The following TTC7B variants were observed in gnomAD, a reference collection of about 807,000 sequenced individuals.
TTC7B encodes the protein tetratricopeptide repeat domain 7B, also known as tetratricopeptide repeat protein 7B.
In TTC7B, 28 loss-of-function variants were observed where a neutral mutation model predicts 106.8. The observed-to-expected ratio is 0.26, with a 90% CI of 0.19 to 0.36. The LOEUF is 0.36. Ranked by LOEUF, TTC7B falls within the 10% of genes least tolerant of loss-of-function variation. The pLI, the probability that TTC7B is intolerant of heterozygous loss-of-function variation, is 1.00. For synonymous variants in TTC7B, 405 were observed against 430.6 expected (o/e 0.94, Z 0.74); for missense variants, 862 against 1,076.4 (o/e 0.80, Z 2.79).
rs894779092 is a variant in TTC7B, at chr14:90,816,395, G to A, written c.-100C>T. On this transcript the variant is annotated 5_prime_UTR_variant, in exon 1 of 20. Coordinates refer to ENST00000328459, the MANE Select transcript of TTC7B (RefSeq NM_001010854.2). The stretch of plus-strand genomic sequence containing the variant: ...CGCCGCCGCCGCGGGCTCGGGCTCC[G>A]GCTCCCGGCTCCGCGGCGTAACGGG... The A allele has an allele frequency of 4.9e-6, 3 of 616,824 alleles. No individual in the cohort carries two copies. The highest frequency in any genetic ancestry group is 4.0e-6 in the Non-Finnish European group (2 of 497,308). 38.2% of individuals were successfully genotyped at this position (616,824 alleles called of 1,614,324 possible).
chr14:90,646,824 G>T, intron 14 of TTC7B, 127 bp downstream of exon 14: 1 of 872,240 alleles, frequency 1.1e-6, no homozygotes, highest in Non-Finnish European at 1.9e-6. Flanking sequence ...CTCTGAGAAG[G>T]GTTCCTGGCT....
chr14:90,680,054 T>A (rs1886991158), intron 8 of TTC7B, among the ~76,000 whole-genome samples: 1 of 152,200 alleles, frequency 6.6e-6, no homozygotes, highest in South Asian at 2.1e-4. Flanking sequence ...AAATGACTTA[T>A]CCCAAAATTC....
chr14:90,639,817 C>T (rs1300550689), intron 15 of TTC7B, among the ~76,000 whole-genome samples: 1 of 152,126 alleles, frequency 6.6e-6, no homozygotes, highest in Non-Finnish European at 1.5e-5. Context: ...TGCATTTACA[C>T]AATAAATACT....
chr14:90,795,104 G>C (rs529164756), intron 1 of TTC7B, among the ~76,000 whole-genome samples: 1 of 152,182 alleles, frequency 6.6e-6, no homozygotes, highest in East Asian at 1.9e-4. Context: ...ATTAATTCCA[G>C]ATAGATTAAA....
At chr14:90,632,877 T>C (rs1471761096) in intron 15 of TTC7B, among the ~76,000 whole-genome samples, 3 of 152,206 alleles carry the variant, frequency 2.0e-5, no homozygotes, top group African/African-American at 7.2e-5. Context: ...TTATTAAGAG[T>C]GCCTGTCACA....
At chr14:90,640,049 C>T (rs2144484) in intron 15 of TTC7B, among the ~76,000 whole-genome samples, 12,687 of 152,208 alleles carry the variant, frequency 0.083, 626 homozygotes, top group East Asian at 0.16. Flanking sequence ...GAGGCCGAGG[C>T]GCATGGATCG....
At chr14:90,684,046 C>T (rs1378783227) in intron 7 of TTC7B, among the ~76,000 whole-genome samples, 2 of 152,098 alleles carry the variant, frequency 1.3e-5, no homozygotes, top group Non-Finnish European at 2.9e-5. Flanking sequence ...AAACAGCATT[C>T]CCATCCTTAC....
In TTC7B at chr14:90,539,179, T is replaced by A. The variant is rs902061484; in HGVS notation, c.*2189A>T. ...GAGCCATGTGGGTGGAGAGTGGGGG[T>A]GGTTCCCTGAGGGAGATGAAGACAA... On this transcript the variant is annotated 3_prime_UTR_variant, in exon 20 of 20. Coordinates refer to ENST00000328459, the MANE Select transcript of TTC7B (RefSeq NM_001010854.2). 1 of 151,784 alleles carries A rather than the reference T, an allele frequency of 6.6e-6. No homozygotes were observed. The highest frequency in any genetic ancestry group is 1.5e-5 in the Non-Finnish European group (1 of 68,108). The allele number at this position is 151,784 out of a possible 1,614,324, so 9.4% of individuals were successfully genotyped here. A position where few individuals can be genotyped will look rare whatever the true frequency, so the allele number is the denominator to read the frequency against.
chr14:90,815,531 C>G (rs893203152), intron 1 of TTC7B, among the ~76,000 whole-genome samples: 7 of 152,068 alleles, frequency 4.6e-5, no homozygotes, highest in African/African-American at 1.7e-4. Flanking sequence ...CCCCCTGACT[C>G]TATTTCTCCT....
rs187646987 is a variant in TTC7B at position 90,594,827 on chromosome 14, C to T, written c.1967-1201G>A. 2.0e-4 allele frequency among the ~76,000 whole-genome samples: 31 copies of T among 152,274 alleles called. 2 individuals carry two copies. The East Asian group carries it at 5.6e-3, about 27-fold the overall frequency. ...CATCTATAAATTTAAAGAGTATTCA[C>T]GGCAATAGATGCGCCATCCATATTA... On this transcript the variant is annotated intron_variant, in intron 17 of 19. Transcript: ENST00000328459.
chr14:90,801,576 C>A (rs2030271530), intron 1 of TTC7B, among the ~76,000 whole-genome samples: 1 of 152,112 alleles, frequency 6.6e-6, no homozygotes, highest in Non-Finnish European at 1.5e-5. Flanking sequence ...AGGAATAAAA[C>A]CAAGAGCTCT....
At chr14:90,800,832 G>A (rs920311469) in intron 1 of TTC7B, among the ~76,000 whole-genome samples, 1 of 151,822 alleles carries the variant, frequency 6.6e-6, no homozygotes, top group Non-Finnish European at 1.5e-5. Context: ...AGAGTCCAAG[G>A]AGATGTTAGG....
chr14:90,668,396 C>A (rs1178765869), intron 9 of TTC7B, among the ~76,000 whole-genome samples: 2 of 152,116 alleles, frequency 1.3e-5, no homozygotes, highest in Non-Finnish European at 2.9e-5. Flanking sequence ...AAGGGCAGAG[C>A]CAGAATTTGA....
intron 3 of TTC7B, among the ~76,000 whole-genome samples, chr14:90,770,168 A>G (rs1243833448): frequency 6.6e-6 from 1 of 152,122 alleles, no homozygotes; most frequent in Non-Finnish European, 1.5e-5. Flanking sequence ...GTAAACAAAT[A>G]AGAGACAAAG....
Position 90,537,192 on chromosome 14 carries a change from ATTTAT to A in TTC7B, c.*4171_*4175del, listed in dbSNP as rs1228710932. The A allele has an allele frequency of 2.0e-5, 3 of 152,148 alleles. No individual in the cohort carries two copies. The highest frequency in any genetic ancestry group is 7.2e-5 in the African/African-American group (3 of 41,426). 9.4% of individuals were successfully genotyped at this position (152,148 alleles called of 1,614,324 possible). A position where few individuals can be genotyped will look rare whatever the true frequency, so the allele number is the denominator to read the frequency against. Reference sequence around the variant, plus strand: ...AGTTTGCGGTCATTTAAAATTTTTAATTTATTTTATTTGTAGAGATAGGGTCTTGC... The same window carrying A: ...AGTTTGCGGTCATTTAAAATTTTTAATTTATTTGTAGAGATAGGGTCTTGC... On this transcript the variant is annotated 3_prime_UTR_variant, in exon 20 of 20. Transcript: ENST00000328459.
At chr14:90,583,019 A>G (rs1450040756) in intron 18 of TTC7B, among the ~76,000 whole-genome samples, 3 of 152,212 alleles carry the variant, frequency 2.0e-5, no homozygotes, top group African/African-American at 7.2e-5. Flanking sequence ...GGCCACAAGT[A>G]TTGATTATGA....
intron 9 of TTC7B, among the ~76,000 whole-genome samples, chr14:90,671,734 T>C (rs1886640588): frequency 6.6e-6 from 1 of 152,200 alleles, no homozygotes; most frequent in Non-Finnish European, 1.5e-5. Flanking sequence ...AGAATGAGGA[T>C]GTGATAAACC....
At chr14:90,564,533 G>T (rs1194969212) in intron 19 of TTC7B, among the ~76,000 whole-genome samples, 2 of 152,184 alleles carry the variant, frequency 1.3e-5, no homozygotes, top group Non-Finnish European at 2.9e-5. Flanking sequence ...AAGCTTTGTA[G>T]CCAGGCACTG....
intron 4 of TTC7B, among the ~76,000 whole-genome samples, chr14:90,741,382 G>A (rs1889756775): frequency 6.6e-6 from 1 of 152,076 alleles, no homozygotes; most frequent in South Asian, 2.1e-4. Flanking sequence ...AGTGAATAAA[G>A]TTAAACGCCA....
Sources: gnomAD v4.1 joint callset for allele counts (sites outside exome capture counted in the v4.1 genomes callset) on GRCh38, gnomAD v4.1.1 for gene constraint, MANE v1.5 for transcripts, NCBI Gene and HGNC (gene_info 2026-07-23, HGNC 2026-07-21) for gene names.